Variants in RALGAPA1 observed in about 807,000 individuals in gnomAD.
RALGAPA1 encodes the protein Ral GTPase activating protein catalytic subunit alpha 1, also known as ral GTPase-activating protein subunit alpha-1.
In RALGAPA1, 52 loss-of-function variants were observed where a neutral mutation model predicts 269.6. The ratio of observed to expected loss-of-function variants is 0.19; its 90% CI spans 0.15 to 0.24. The LOEUF (loss-of-function observed/expected upper bound fraction) is 0.24. Ranked by LOEUF, RALGAPA1 falls within the 10% of genes least tolerant of loss-of-function variation. The pLI, the probability that RALGAPA1 is intolerant of heterozygous loss-of-function variation, is 1.00. For missense variants in RALGAPA1, 1,917 were observed against 3,013.9 expected, an observed-to-expected ratio of 0.64 and a Z score of 8.52; for synonymous variants, 817 against 1,008.3, an observed-to-expected ratio of 0.81 and a Z score of 3.60.
intron 39 of RALGAPA1, among the ~76,000 whole-genome samples, chr14:35,553,731 A>G (rs1421600724): frequency 6.6e-6 from 1 of 152,216 alleles, no homozygotes; most frequent in African/African-American, 2.4e-5. Context: ...TATAAAAATT[A>G]CAACTTGTAA....
Position 35,700,269 on chromosome 14 carries a change from A to G in RALGAPA1, c.2300T>C (p.Leu767Pro), listed in dbSNP as rs1223735671. The G allele has an allele frequency of 3.3e-6, 5 of 1,531,982 alleles. No individual in the cohort carries two copies. The highest frequency in any genetic ancestry group is 3.5e-6 in the Non-Finnish European group (4 of 1,145,386). 94.9% of individuals were successfully genotyped at this position (1,531,982 alleles called of 1,614,324 possible). The change falls in exon 17 of 42, where the codon CTG (leucine) becomes CCG (proline). Residue 767 changes from leucine to proline, a missense_variant. Leu to Pro is a moderately conservative substitution (Grantham distance 98). Transcript: ENST00000680220. ...AGCACTGCGTATATAGGCCGATGGC[A>G]GAGCACATTCACCAATGGATCGGCT... ...MRSRSIGECA[L>P]PSAYIRSAKS...
chr14:35,563,120 T>C (rs2056422827), intron 39 of RALGAPA1, among the ~76,000 whole-genome samples: 1 of 150,046 alleles, frequency 6.7e-6, no homozygotes, highest in African/African-American at 2.5e-5. Flanking sequence ...TTAGAATAAA[T>C]TACTAGCCAT....
At chr14:35,800,984 G>A (rs1023542617) in intron 1 of RALGAPA1, among the ~76,000 whole-genome samples, 1 of 151,014 alleles carries the variant, frequency 6.6e-6, no homozygotes, top group African/African-American at 2.4e-5. Context: ...CAGCCTGGGC[G>A]ACGAGCGAAA....
intron 12 of RALGAPA1, among the ~76,000 whole-genome samples, chr14:35,731,446 C>A (rs925710970): frequency 6.6e-6 from 1 of 151,978 alleles, no homozygotes; most frequent in Non-Finnish European, 1.5e-5. Context: ...AGGGACACAC[C>A]AGAGAAAGGC....
At chr14:35,737,759 C>CAA (rs60152249) in intron 12 of RALGAPA1, among the ~76,000 whole-genome samples, 349 of 17,422 alleles carry the variant, frequency 0.02, 69 homozygotes, top group Middle Eastern at 0.071. Flanking sequence ...AAATCCATCT[C>CAA]AAAAAAAAAA....
At position 35,645,716 on chromosome 14, in the gene RALGAPA1, C is replaced by T. The variant is rs1456321307; in HGVS notation, c.5676+6089G>A. Among the ~76,000 whole-genome samples, 4 of 138,978 alleles carry T rather than the reference C, an allele frequency of 2.9e-5. No homozygotes were observed. In the East Asian group the frequency reaches 8.6e-4, roughly 30 times the overall value. The allele number at this position is 138,978 out of a possible 152,430, so 91.2% of individuals were successfully genotyped here. ...GGGCACTCCAGCCTGGGCGACAGAG[C>T]GAGACTCCATCTCCAAAAAAAAAAA... is the stretch of plus-strand genomic sequence containing the variant. On this transcript the variant is annotated intron_variant, in intron 31 of 41. Coordinates refer to ENST00000680220, the MANE Select transcript of RALGAPA1 (RefSeq NM_001346249.2).
intron 6 of RALGAPA1, among the ~76,000 whole-genome samples, chr14:35,759,893 C>T (rs1344933072): frequency 7.6e-6 from 1 of 131,444 alleles, no homozygotes; most frequent in Non-Finnish European, 1.5e-5. Flanking sequence ...GCCTGGGTGA[C>T]AGAGTGAGAT....
chr14:35,760,809 T>A lies in RALGAPA1; in HGVS notation c.547+20A>T. 2 of 1,595,482 alleles carry A rather than the reference T, an allele frequency of 1.3e-6. No homozygotes were observed. The highest frequency in any genetic ancestry group is 8.6e-7 in the Non-Finnish European group (1 of 1,166,114). On this transcript the variant is annotated intron_variant, in intron 6 of 41. Transcript: ENST00000680220. ...TAGAGAGCTTAAACCTACTGACGGA[T>A]AACATCCCATGAATCTTACTTTCTT...
rs562625796 is a variant in RALGAPA1 at position 35,659,167 on chromosome 14, C to T, written c.5358G>A (p.Ser1786=). Residue 1786 remains serine, a synonymous_variant, in exon 28 of 42, where the codon TCG becomes TCA. Transcript: ENST00000680220. Reference sequence around the variant, plus strand: ...CAGGACCAGAGGGCTCATCTCTTGCCGAGCTTAATACAGTTTTGATTATAA... The same window carrying T: ...CAGGACCAGAGGGCTCATCTCTTGCTGAGCTTAATACAGTTTTGATTATAA... ...KELIIKTVLS[S]ARDEPSGPAR... The T allele has an allele frequency of 1.6e-5, 25 of 1,611,060 alleles. No individual in the cohort carries two copies. The highest frequency in any genetic ancestry group is 8.0e-5 in the African/African-American group (6 of 74,916).
At chr14:35,615,035 TACTA>T (rs1335898589) in intron 35 of RALGAPA1, among the ~76,000 whole-genome samples, 17 of 152,276 alleles carry the variant, frequency 1.1e-4, no homozygotes, top group African/African-American at 3.4e-4. Flanking sequence ...TTTTTCTCCT[TACTA>T]ACTATGGCTG....
At chr14:35,546,409 G>A (rs1432809104) in intron 41 of RALGAPA1, among the ~76,000 whole-genome samples, 1 of 151,756 alleles carries the variant, frequency 6.6e-6, no homozygotes, top group Non-Finnish European at 1.5e-5. Context: ...GTATACATAT[G>A]TAACTAACCT....
chr14:35,541,924 G>C, intron 41 of RALGAPA1: 1 of 697,212 alleles, frequency 1.4e-6, no homozygotes, highest in African/African-American at 1.8e-5. Context: ...GGAGCAGAGA[G>C]AGAGGAATCA....
intron 27 of RALGAPA1, among the ~76,000 whole-genome samples, chr14:35,662,438 C>T (rs760891805): frequency 6.6e-6 from 1 of 152,162 alleles, no homozygotes; most frequent in Non-Finnish European, 1.5e-5. Flanking sequence ...GTAACTTCCC[C>T]TTTAAATCTT....
chr14:35,622,004 C>T (rs1437499506), intron 35 of RALGAPA1, among the ~76,000 whole-genome samples: 1 of 152,148 alleles, frequency 6.6e-6, no homozygotes, highest in Non-Finnish European at 1.5e-5. Flanking sequence ...CCCAGCAATA[C>T]CGTTACTGGG....
At chr14:35,561,597 C>T (rs1399998636) in intron 39 of RALGAPA1, among the ~76,000 whole-genome samples, 1 of 147,176 alleles carries the variant, frequency 6.8e-6, no homozygotes, top group Non-Finnish European at 1.5e-5. Flanking sequence ...TCACTGCAAC[C>T]TCTGGGTTCA....
At chr14:35,595,122 A>G (rs930038094) in intron 37 of RALGAPA1, among the ~76,000 whole-genome samples, 1 of 151,892 alleles carries the variant, frequency 6.6e-6, no homozygotes, top group Non-Finnish European at 1.5e-5. Context: ...ATACAGAGAT[A>G]GAGAATAACA....
Position 35,665,937 on chromosome 14 carries a change from G to A in RALGAPA1, c.5203-1170C>T, listed in dbSNP as rs548541863. Among the ~76,000 whole-genome samples, 3 of 151,898 alleles carry A rather than the reference G, an allele frequency of 2.0e-5. No individual in the cohort carries two copies. The South Asian group carries it at 6.2e-4, about 32-fold the overall frequency. ...CTGCTTAAGGAGGTGGGGGGCAGAC[G>A]GCATTAACAGAAGGGAGATGATATG... On this transcript the variant is annotated intron_variant, in intron 26 of 41. Transcript: ENST00000680220.
intron 37 of RALGAPA1, among the ~76,000 whole-genome samples, chr14:35,586,887 T>C (rs1431103629): frequency 1.3e-5 from 2 of 152,222 alleles, no homozygotes; most frequent in East Asian, 1.9e-4. Flanking sequence ...GATTTTGGCA[T>C]TGATGTTTAT....
At position 35,689,115 on chromosome 14, in the gene RALGAPA1, C is replaced by G. The variant is rs954751068; in HGVS notation, c.3296G>C (p.Arg1099Pro). 1 of 1,235,342 alleles carries G rather than the reference C, an allele frequency of 8.1e-7. No homozygotes were observed. The highest frequency in any genetic ancestry group is 3.1e-5 in the East Asian group (1 of 31,786). 76.5% of individuals were successfully genotyped at this position (1,235,342 alleles called of 1,614,324 possible). A position where few individuals can be genotyped will look rare whatever the true frequency, so the allele number is the denominator to read the frequency against. The change falls in exon 18 of 42, where the codon CGT (arginine) becomes CCT (proline). Residue 1099 changes from arginine (R) to proline (P), a missense_variant. By Grantham distance (103) the Arg-to-Pro change is moderately radical (BLOSUM62 -2). Transcript: ENST00000680220. ...NEKITVPHVM[R>P]AKKATLKAPV... Reference sequence around the variant, plus strand: ...TGCTTTTAGTGTTGCTTTCTTGGCACGCATAACATGTGGGACAGTGATTTT... The same window carrying G: ...TGCTTTTAGTGTTGCTTTCTTGGCAGGCATAACATGTGGGACAGTGATTTT...
Sources: gnomAD v4.1 joint callset for allele counts (sites outside exome capture counted in the v4.1 genomes callset) on GRCh38, gnomAD v4.1.1 for gene constraint, MANE v1.5 for transcripts, NCBI Gene and HGNC (gene_info 2026-07-23, HGNC 2026-07-21) for gene names.